The following PCCB variants were observed in gnomAD, a reference collection of about 807,000 sequenced individuals.
PCCB encodes propionyl-CoA carboxylase subunit beta.
PCCB carries 43 observed loss-of-function variants against 60.7 expected under a neutral mutation model. The ratio of observed to expected loss-of-function variants is 0.71; its 90% CI spans 0.55 to 0.91. The LOEUF is 0.91. Among genes scored for constraint, PCCB ranks in the 40% least tolerant of loss-of-function variants. PCCB has a pLI of 0.00. For synonymous variants in PCCB, 276 were observed against 255.9 expected (o/e 1.08, Z -0.75); for missense variants, 766 against 702.8 (o/e 1.09, Z -1.02).
rs1362784868 is a variant in PCCB, at chr3:136,330,168, T to A, written c.*142T>A. On this transcript the variant is annotated 3_prime_UTR_variant, in exon 15 of 15. Coordinates refer to ENST00000251654, the MANE Select transcript of PCCB (RefSeq NM_000532.5). ...CTAAGTTTATTAAATTCTAGAAAGA[T>A]CTCTTTTGTGCCTTACTGTAAAATT... The A allele has an allele frequency of 2.0e-6, 3 of 1,498,840 alleles. No homozygotes were observed. The highest frequency in any genetic ancestry group is 2.7e-6 in the Non-Finnish European group (3 of 1,108,450). 92.8% of individuals were successfully genotyped at this position (1,498,840 alleles called of 1,614,324 possible).
chr3:136,316,828 AG>A, intron 9 of PCCB, 112 bp from the exon 10 acceptor site: 1 of 1,218,300 alleles, frequency 8.2e-7, no homozygotes, highest in South Asian at 1.2e-5. Context: ...ATAGAGCTGG[AG>A]CTGTCTACCT....
intron 5 of PCCB, among the ~76,000 whole-genome samples, chr3:136,266,660 A>C (rs1312297436): frequency 6.6e-6 from 1 of 152,156 alleles, no homozygotes; most frequent in Admixed American, 6.5e-5. Context: ...CATTTCTCAG[A>C]TGACTAATCA....
chr3:136,264,710 A>T (rs188222311), intron 5 of PCCB, among the ~76,000 whole-genome samples: 4 of 147,250 alleles, frequency 2.7e-5, no homozygotes, highest in East Asian at 2.0e-4. Context: ...CATCTCTACT[A>T]AAAAAAAACA....
intron 5 of PCCB, among the ~76,000 whole-genome samples, chr3:136,279,676 TTTA>T (rs1279657317): frequency 6.6e-6 from 1 of 151,984 alleles, no homozygotes; most frequent in Non-Finnish European, 1.5e-5. Flanking sequence ...TATTTATTTA[TTTA>T]TTTTTTGAGA....
At chr3:136,316,850 A>T in intron 9 of PCCB, 91 bp from the exon 10 acceptor site, 2 of 1,464,010 alleles carry the variant, frequency 1.4e-6, no homozygotes, top group Non-Finnish European at 1.9e-6. Context: ...CTACCTCTGT[A>T]ATTCTGTAAT....
chr3:136,297,087 CAGT>C (rs909308978), intron 7 of PCCB, among the ~76,000 whole-genome samples: 12 of 152,114 alleles, frequency 7.9e-5, no homozygotes, highest in African/African-American at 2.4e-4. Flanking sequence ...AGGGTGGTAA[CAGT>C]AGGCCTCACT....
intron 6 of PCCB, among the ~76,000 whole-genome samples, chr3:136,285,315 C>T (rs182421307): frequency 1.3e-5 from 2 of 152,236 alleles, no homozygotes; most frequent in African/African-American, 4.8e-5. Flanking sequence ...ATATAACTCT[C>T]CACCCTTCTT....
At chr3:136,270,957 G>T (rs935230541) in intron 5 of PCCB, among the ~76,000 whole-genome samples, 2 of 152,078 alleles carry the variant, frequency 1.3e-5, no homozygotes, top group African/African-American at 4.8e-5. Context: ...GTCTATTCAT[G>T]TCCTTTGCCT....
At chr3:136,255,429 T>G (rs960232733) in intron 1 of PCCB, 3 of 275,910 alleles carry the variant, frequency 1.1e-5, no homozygotes, top group African/African-American at 6.7e-5. Flanking sequence ...TGAGGTGTGC[T>G]TCTGTAGGTC....
At chr3:136,252,021 G>A (rs941117296) in intron 1 of PCCB, among the ~76,000 whole-genome samples, 1 of 151,994 alleles carries the variant, frequency 6.6e-6, no homozygotes, top group African/African-American at 2.4e-5. Flanking sequence ...GGGATTACAG[G>A]TGCCCACGAC....
At position 136,301,159 on chromosome 3, in the gene PCCB, A is replaced by G. The variant is rs761213877; in HGVS notation, c.966+48A>G. 4.1e-6 allele frequency: 6 copies of G among 1,448,714 alleles called. No individual in the cohort carries two copies. In the Middle Eastern group the frequency reaches 8.7e-4, roughly 210 times the overall value. The allele number at this position is 1,448,714 out of a possible 1,614,324, so 89.7% of individuals were successfully genotyped here. On this transcript the variant is annotated intron_variant, in intron 9 of 14. Coordinates refer to ENST00000251654, the MANE Select transcript of PCCB (RefSeq NM_000532.5). ...TTGCCTGTCCTAGTCAGCCACATTC[A>G]TGGGCATTGTGCTTCGGCTTAGTGA...
intron 10 of PCCB, among the ~76,000 whole-genome samples, chr3:136,325,209 G>C (rs1004200497): frequency 1.3e-5 from 2 of 151,914 alleles, no homozygotes; most frequent in Admixed American, 1.3e-4. Context: ...TGTTCTTTTA[G>C]AGACAGAGTG....
Position 136,255,891 on chromosome 3 carries a change from G to A in PCCB, c.219G>A (p.Leu73=). ...CAGCCAGGGAGAGGATCAGTCTCTT[G>A]CTGGACCCTGGCAGCTTTGTTGAGA... The part of the protein sequence containing the change: ...KLTARERISL[L]LDPGSFVESD... Residue 73 remains leucine (L), a synonymous_variant, in exon 2 of 15, where the codon TTG becomes TTA. Transcript: ENST00000251654. 6.2e-7 allele frequency: 1 copy of A among 1,614,094 alleles called. No individual in the cohort carries two copies. The highest frequency in any genetic ancestry group is 1.1e-5 in the South Asian group (1 of 91,078).
At chr3:136,268,914 A>G (rs1447965961) in intron 5 of PCCB, among the ~76,000 whole-genome samples, 1 of 152,162 alleles carries the variant, frequency 6.6e-6, no homozygotes, top group African/African-American at 2.4e-5. Context: ...GTAGCTCTAT[A>G]CTTTGTCTCA....
rs1426876371 is a variant in PCCB at position 136,250,397 on chromosome 3, G to A, written c.22G>A (p.Ala8Thr). Reference sequence around the variant, plus strand: ...AAAAATGGCGGCGGCATTACGGGTGGCGGCGGTCGGGGCAAGGCTCAGCGT... The same window carrying A: ...AAAAATGGCGGCGGCATTACGGGTGACGGCGGTCGGGGCAAGGCTCAGCGT... MAAALRV[A>T]AVGARLSVLA... is the part of the protein sequence containing the mutation. Residue 8 changes from alanine (A) to threonine (T), a missense_variant, in exon 1 of 15, where the codon GCG becomes ACG. Ala to Thr is a moderately conservative substitution (Grantham distance 58). Transcript: ENST00000251654. 1.3e-6 allele frequency: 2 copies of A among 1,541,640 alleles called. No individual in the cohort carries two copies. Among genetic ancestry groups the A allele is most frequent in the Non-Finnish European group, 8.8e-7 (1 of 1,140,612 alleles).
At chr3:136,293,299 C>A (rs1480781219) in intron 6 of PCCB, among the ~76,000 whole-genome samples, 1 of 152,186 alleles carries the variant, frequency 6.6e-6, no homozygotes, top group Non-Finnish European at 1.5e-5. Context: ...CACTGTAACC[C>A]ACTGATTTAT....
intron 9 of PCCB, among the ~76,000 whole-genome samples, chr3:136,314,320 G>A (rs1432157159): frequency 6.6e-6 from 1 of 152,156 alleles, no homozygotes; most frequent in Non-Finnish European, 1.5e-5. Flanking sequence ...AAATGGGAAA[G>A]GCAAAGATCT....
intron 4 of PCCB, 29 bp from the exon 5 acceptor site, chr3:136,261,923 C>A: frequency 1.4e-6 from 2 of 1,388,788 alleles, no homozygotes; most frequent in South Asian, 1.2e-5. Context: ...GAACATTTGT[C>A]TCAATAAAAG....
At chr3:136,312,083 A>T (rs1322013335) in intron 9 of PCCB, among the ~76,000 whole-genome samples, 5 of 152,244 alleles carry the variant, frequency 3.3e-5, no homozygotes, top group African/African-American at 9.6e-5. Flanking sequence ...CAGGCACATA[A>T]ATAGACCAGT....
Sources: allele counts gnomAD v4.1 joint callset (sites outside exome capture counted in the v4.1 genomes callset), GRCh38; gene constraint gnomAD v4.1.1; transcripts MANE v1.5; gene names NCBI Gene and HGNC (gene_info 2026-07-23, HGNC 2026-07-21).